EXOC4: variants seen among roughly 807,000 people sequenced by gnomAD.
EXOC4 encodes SEC8-like 1.
A neutral mutation model predicts 107.2 loss-of-function variants in EXOC4; 71 were observed. The ratio of observed to expected loss-of-function variants is 0.66; its 90% CI spans 0.55 to 0.81. The LOEUF (loss-of-function observed/expected upper bound fraction) is 0.81. Ranked by LOEUF, EXOC4 falls within the 30% of genes least tolerant of loss-of-function variation. The pLI, the probability that EXOC4 is intolerant of heterozygous loss-of-function variation, is 0.00. For synonymous variants in EXOC4, 456 were observed against 441.2 expected, an observed-to-expected ratio of 1.03 and a Z score of -0.42; for missense variants, 1,108 against 1,189.6, an observed-to-expected ratio of 0.93 and a Z score of 1.01.
chr7:133,752,405 A>G (rs543795446), intron 10 of EXOC4, among the ~76,000 whole-genome samples: 17 of 152,306 alleles, frequency 1.1e-4, no homozygotes, highest in Admixed American at 1.0e-3. Flanking sequence ...TTAATTTCCC[A>G]GTCCACAATA....
chr7:133,320,354 G>T (rs73436989), intron 5 of EXOC4, among the ~76,000 whole-genome samples: 12,182 of 152,120 alleles, frequency 0.08, 900 homozygotes, highest in African/African-American at 0.19. Context: ...TGCCTTTCTG[G>T]CTCCTGGAGG....
chr7:133,630,834 A>G (rs1410038326), intron 10 of EXOC4, among the ~76,000 whole-genome samples: 2 of 152,334 alleles, frequency 1.3e-5, no homozygotes, highest in South Asian at 4.1e-4. Flanking sequence ...TTGTGATAAC[A>G]TGATTATAGG....
At chr7:133,987,833 A>G (rs1055536793) in intron 14 of EXOC4, among the ~76,000 whole-genome samples, 8 of 152,234 alleles carry the variant, frequency 5.3e-5, no homozygotes, top group Non-Finnish European at 1.0e-4. Context: ...GCACAAGGAC[A>G]TCCTCATATG....
intron 10 of EXOC4, among the ~76,000 whole-genome samples, chr7:133,702,917 G>A (rs117936416): frequency 0.024 from 3,716 of 152,154 alleles, 81 homozygotes; most frequent in Non-Finnish European, 0.036. Context: ...CATCTTTATC[G>A]TCACTATTAT....
At chr7:133,723,079 CAT>C (rs1171391496) in intron 10 of EXOC4, among the ~76,000 whole-genome samples, 2 of 152,144 alleles carry the variant, frequency 1.3e-5, no homozygotes, top group African/African-American at 4.8e-5. Flanking sequence ...CTTTGGAATT[CAT>C]ATGTTACAAA....
intron 5 of EXOC4, 136 bp downstream of exon 5, chr7:133,317,526 T>C: frequency 1.6e-6 from 1 of 623,644 alleles, no homozygotes; most frequent in Non-Finnish European, 2.9e-6. Flanking sequence ...TTGGAACCTG[T>C]GATGAGCCCT....
intron 5 of EXOC4, among the ~76,000 whole-genome samples, chr7:133,321,385 A>G (rs980006553): frequency 1.3e-5 from 2 of 152,046 alleles, no homozygotes; most frequent in Non-Finnish European, 2.9e-5. Flanking sequence ...CACATCATCT[A>G]TATTAGGTAT....
chr7:134,006,962 A>C (rs530520300), intron 16 of EXOC4, among the ~76,000 whole-genome samples: 82 of 152,160 alleles, frequency 5.4e-4, no homozygotes, highest in Non-Finnish European at 3.1e-4. Context: ...AACCCTCCAG[A>C]CCTAAGAGCA....
intron 10 of EXOC4, among the ~76,000 whole-genome samples, chr7:133,803,055 T>G (rs1189190929): frequency 6.6e-6 from 1 of 152,166 alleles, no homozygotes; most frequent in Non-Finnish European, 1.5e-5. Flanking sequence ...ACTTTTGTGC[T>G]TGTGGTTATC....
intron 5 of EXOC4, among the ~76,000 whole-genome samples, chr7:133,323,692 C>G (rs1252963362): frequency 1.3e-5 from 2 of 152,114 alleles, no homozygotes; most frequent in Non-Finnish European, 2.9e-5. Flanking sequence ...GCGCCTCTGT[C>G]AGGCTTTGGT....
chr7:133,373,117 AAGTTACTG>A (rs1250862483), intron 6 of EXOC4, among the ~76,000 whole-genome samples: 1 of 152,220 alleles, frequency 6.6e-6, no homozygotes, highest in Admixed American at 6.5e-5. Flanking sequence ...TTTACTGATT[AAGTTACTG>A]ATCTGTATGA....
intron 14 of EXOC4, among the ~76,000 whole-genome samples, chr7:133,971,157 A>G (rs1029290151): frequency 6.6e-6 from 1 of 151,742 alleles, no homozygotes; most frequent in African/African-American, 2.4e-5. Context: ...AGGTTTAGAG[A>G]ACCTTGGCAA....
chr7:134,084,992 G>A, the EXOC4 span, among the ~76,000 whole-genome samples: 4 of 152,156 alleles, frequency 2.6e-5, no homozygotes, highest in Non-Finnish European at 4.4e-5. Context: ...ACAGCTGGGC[G>A]TTTGCCTTTT....
intron 12 of EXOC4, among the ~76,000 whole-genome samples, chr7:133,917,328 G>A (rs767025216): frequency 1.2e-4 from 19 of 152,134 alleles, no homozygotes; most frequent in Non-Finnish European, 2.4e-4. Context: ...GATCAAATAT[G>A]GTAAGAGGAG....
At chr7:134,033,718 A>G (rs1430869454) in intron 17 of EXOC4, among the ~76,000 whole-genome samples, 2 of 152,180 alleles carry the variant, frequency 1.3e-5, no homozygotes, top group Non-Finnish European at 2.9e-5. Flanking sequence ...GAATGAAGAA[A>G]TAGCCTCACC....
intron 7 of EXOC4, among the ~76,000 whole-genome samples, chr7:133,395,693 C>G (rs1215215023): frequency 6.6e-6 from 1 of 151,926 alleles, no homozygotes; most frequent in Non-Finnish European, 1.5e-5. Context: ...CACACACACA[C>G]TGTATTTAGA....
the EXOC4 span, among the ~76,000 whole-genome samples, chr7:134,074,453 T>C: frequency 7.2e-5 from 11 of 152,318 alleles, no homozygotes; most frequent in East Asian, 2.1e-3. Context: ...TTTATCCTAA[T>C]TTTGGGTGGG....
Position 133,848,008 on chromosome 7 carries a change from G to C in EXOC4, c.1734+30464G>C, listed in dbSNP as rs956566303. Among the ~76,000 whole-genome samples the C allele has an allele frequency of 2.6e-5, 4 of 151,268 alleles. No homozygotes were observed. The South Asian group carries it at 8.4e-4, about 32-fold the overall frequency. ...GCCTCTCAAAGTGCTGGGATTACAG[G>C]CATGAGCCACCGCGCCTGGCCCAGG... is the stretch of plus-strand genomic sequence containing the variant. On this transcript the variant is annotated intron_variant, in intron 11 of 17. Coordinates refer to ENST00000253861, the MANE Select transcript of EXOC4 (RefSeq NM_021807.4).
chr7:133,510,146 C>G (rs1468536617), intron 9 of EXOC4, among the ~76,000 whole-genome samples: 1 of 152,154 alleles, frequency 6.6e-6, no homozygotes, highest in Non-Finnish European at 1.5e-5. Context: ...CCCACCTCAG[C>G]CTCAGAAGAC....
Sources: allele counts gnomAD v4.1 joint callset (sites outside exome capture counted in the v4.1 genomes callset), GRCh38; gene constraint gnomAD v4.1.1; transcripts MANE v1.5; gene names NCBI Gene and HGNC (gene_info 2026-07-23, HGNC 2026-07-21).